TLR6: variants seen among roughly 807,000 people sequenced by gnomAD.
TLR6 encodes toll-like receptor 6.
TLR6 carries 9 observed loss-of-function variants against 16.1 expected under a neutral mutation model. The ratio of observed to expected loss-of-function variants is 0.56; its 90% CI spans 0.34 to 0.98. The LOEUF is 0.98. Among genes scored for constraint, TLR6 ranks in the 50% least tolerant of loss-of-function variants. TLR6 has a pLI of 0.02. For synonymous variants in TLR6, 340 were observed against 338.6 expected (o/e 1.00, Z -0.04); for missense variants, 786 against 921.0 (o/e 0.85, Z 1.90).
chr4:38,828,377 G>C, exon 2 of TLR6: 1 of 1,613,044 alleles, frequency 6.2e-7, no homozygotes, highest in Non-Finnish European at 8.5e-7. Flanking sequence ...AATACTATCT[G>C]TGAAAACGTT....
rs144690558 is a variant in TLR6 at position 38,843,679 on chromosome 4, T to C, written c.-65+13082A>G. 4 of 152,368 alleles carry C rather than the reference T, an allele frequency of 2.6e-5. No homozygotes were observed. The East Asian group carries it at 7.7e-4, about 29-fold the overall frequency. 9.4% of individuals were successfully genotyped at this position (152,368 alleles called of 1,614,324 possible). A position where few individuals can be genotyped will look rare whatever the true frequency, so the allele number is the denominator to read the frequency against. Reference sequence around the variant, plus strand: ...TGAAAACTCTGAGTTGGGGAACTTTTATTACTGAATGGCGTATGGTTAAAA... The same window carrying C: ...TGAAAACTCTGAGTTGGGGAACTTTCATTACTGAATGGCGTATGGTTAAAA... On this transcript the variant is annotated intron_variant, in intron 1 of 1. Transcript: ENST00000436693.
upstream of TLR6, among the ~76,000 whole-genome samples, chr4:38,861,086 G>A (rs572557515): frequency 6.6e-6 from 1 of 152,134 alleles, no homozygotes; most frequent in African/African-American, 2.4e-5. Context: ...GGGAGGTGGT[G>A]CAGGTGTTCT....
At chr4:38,839,711 G>T (rs945815033) in intron 1 of TLR6, among the ~76,000 whole-genome samples, 2 of 152,222 alleles carry the variant, frequency 1.3e-5, no homozygotes, top group African/African-American at 2.4e-5. Context: ...AAAGTCAGCT[G>T]TGTACCAGCC....
intron 1 of TLR6, among the ~76,000 whole-genome samples, chr4:38,842,433 G>T (rs1712315924): frequency 6.6e-6 from 1 of 152,180 alleles, no homozygotes; most frequent in Admixed American, 6.5e-5. Flanking sequence ...GGCCAAAGTG[G>T]TCATTTGTGC....
chr4:38,826,874 A>C (rs939759536), exon 2 of TLR6: 3 of 451,040 alleles, frequency 6.7e-6, no homozygotes, highest in Non-Finnish European at 1.2e-5. Context: ...TTGAAACATA[A>C]TGATTAAACC....
At chr4:38,825,916 A>C (rs1001967813) in exon 2 of TLR6, 2 of 152,530 alleles carry the variant, frequency 1.3e-5, no homozygotes, top group African/African-American at 4.8e-5. Flanking sequence ...TGAATTCCCC[A>C]GGGGGGAAGA....
intron 1 of TLR6, among the ~76,000 whole-genome samples, chr4:38,855,449 G>A (rs1213735939): frequency 6.6e-6 from 1 of 151,952 alleles, no homozygotes; most frequent in East Asian, 1.9e-4. Flanking sequence ...AAAAGTTATC[G>A]TAAGGCAATT....
At chr4:38,834,983 A>G (rs1186420199) in intron 1 of TLR6, among the ~76,000 whole-genome samples, 1 of 152,244 alleles carries the variant, frequency 6.6e-6, no homozygotes, top group African/African-American at 2.4e-5. Context: ...ACATAAATGA[A>G]AGAGAAAAGA....
exon 2 of TLR6, chr4:38,829,240 C>G: frequency 6.2e-7 from 1 of 1,614,150 alleles, no homozygotes. Context: ...TCAAAACTGT[C>G]AACTCTGATA....
Position 38,829,123 on chromosome 4 carries a change from G to T in TLR6, c.351C>A (p.Cys117Ter). Residue 117 changes from cysteine to a stop codon, truncating the protein, a stop_gained, in exon 2 of 2, where the codon TGC becomes TGA. Coordinates refer to ENST00000436693, the Ensembl canonical transcript of TLR6. LOFTEE classifies it low-confidence loss of function (END_TRUNC). ...AATGCCTGAAACTCACAATAGGATGGCAGGATATCTTTTGCAACTGATTAT... is the reference window on the plus strand; with the variant it reads ...AATGCCTGAAACTCACAATAGGATGTCAGGATATCTTTTGCAACTGATTAT... 6.2e-7 allele frequency: 1 copy of T among 1,614,072 alleles called. No individual in the cohort carries two copies. The highest frequency in any genetic ancestry group is 8.5e-7 in the Non-Finnish European group (1 of 1,179,954).
intron 1 of TLR6, among the ~76,000 whole-genome samples, chr4:38,850,924 C>T (rs1335289615): frequency 2.0e-5 from 3 of 151,912 alleles, no homozygotes; most frequent in East Asian, 1.9e-4. Flanking sequence ...AGAGACACAA[C>T]AAAAAAAGAG....
At chr4:38,832,396 C>A (rs1711653806) in intron 1 of TLR6, among the ~76,000 whole-genome samples, 1 of 152,154 alleles carries the variant, frequency 6.6e-6, no homozygotes, top group South Asian at 2.1e-4. Context: ...GAGGAACTTC[C>A]CATTCCAGGG....
At chr4:38,839,573 AG>A (rs775356137) in intron 1 of TLR6, among the ~76,000 whole-genome samples, 53 of 152,228 alleles carry the variant, frequency 3.5e-4, no homozygotes, top group Non-Finnish European at 6.3e-4. Flanking sequence ...GCACCAACTC[AG>A]CCATCTGCTG....
At chr4:38,864,795 T>G in the TLR6 span, among the ~76,000 whole-genome samples, 1 of 152,040 alleles carries the variant, frequency 6.6e-6, no homozygotes, top group Non-Finnish European at 1.5e-5. Flanking sequence ...GAGGATTGCT[T>G]AAAGCCAGGA....
intron 1 of TLR6, among the ~76,000 whole-genome samples, chr4:38,842,370 G>A (rs138273000): frequency 4.2e-4 from 64 of 152,282 alleles, no homozygotes; most frequent in African/African-American, 1.4e-3. Flanking sequence ...TAAGTGGCCT[G>A]GCAGAAATGA....
exon 2 of TLR6, chr4:38,827,145 T>C (rs138342666): frequency 3.3e-4 from 530 of 1,613,932 alleles, no homozygotes; most frequent in Admixed American, 2.3e-3. Context: ...GCGGCTCTAA[T>C]GTTAGCCCAA....
chr4:38,842,276 C>T (rs1280107819), intron 1 of TLR6, among the ~76,000 whole-genome samples: 1 of 152,146 alleles, frequency 6.6e-6, no homozygotes, highest in African/African-American at 2.4e-5. Flanking sequence ...CAGATGAGGA[C>T]TGGAATGAGG....
At chr4:38,837,163 A>G (rs1711971112) in intron 1 of TLR6, among the ~76,000 whole-genome samples, 4 of 152,168 alleles carry the variant, frequency 2.6e-5, no homozygotes. Context: ...ACACTACTCA[A>G]AGCAATCTAC....
At chr4:38,857,506 G>C (rs1018260947), upstream of TLR6, among the ~76,000 whole-genome samples, 3 of 152,084 alleles carry the variant, frequency 2.0e-5, no homozygotes, top group African/African-American at 7.2e-5. Context: ...CTGATTACCA[G>C]AAGTCTCTGG....
Sources: allele counts gnomAD v4.1 joint callset (sites outside exome capture counted in the v4.1 genomes callset), GRCh38; gene constraint gnomAD v4.1.1; transcripts MANE v1.5; gene names NCBI Gene and HGNC (gene_info 2026-07-23, HGNC 2026-07-21).